Variants in ATF7IP2 observed in about 807,000 individuals in gnomAD.
The protein encoded by ATF7IP2 is activating transcription factor 7 interacting protein 2, also known as activating transcription factor 7-interacting protein 2.
Under a neutral mutation model 64.2 loss-of-function variants are expected in ATF7IP2, and 42 were observed. The observed-to-expected ratio is 0.65, with a 90% confidence interval of 0.51 to 0.85. The LOEUF (loss-of-function observed/expected upper bound fraction) is 0.85. ATF7IP2 is among the 40% of genes least tolerant of loss of function. The pLI is 0.00. For missense variants in ATF7IP2, 933 were observed against 784.2 expected, an observed-to-expected ratio of 1.19 and a Z score of -2.27; for synonymous variants, 308 against 272.8, an observed-to-expected ratio of 1.13 and a Z score of -1.27.
Position 10,433,508 on chromosome 16 carries a change from CT to C in ATF7IP2, c.836-13del, listed in dbSNP as rs756635952. 1 of 1,602,204 alleles carries C rather than the reference CT, an allele frequency of 6.2e-7. No homozygotes were observed. Among genetic ancestry groups the C allele is most frequent in the East Asian group, 2.2e-5 (1 of 44,746 alleles). ...TCTTTAAAATATCTTTCTTTCTAAT[CT>C]TTTGATCTCCTCAAGGCCATTATCA... On this transcript the variant is annotated splice_polypyrimidine_tract_variant and intron_variant, in intron 5 of 13. Coordinates refer to ENST00000562102, the MANE Select transcript of ATF7IP2 (RefSeq NM_001393719.1).
At chr16:10,419,938 T>A (rs1195863233) in intron 3 of ATF7IP2, among the ~76,000 whole-genome samples, 1 of 152,264 alleles carries the variant, frequency 6.6e-6, no homozygotes, top group Non-Finnish European at 1.5e-5. Context: ...GCTGTTCAGC[T>A]GCTGATAGCA....
intron 9 of ATF7IP2, among the ~76,000 whole-genome samples, chr16:10,470,930 G>A (rs2049778195): frequency 6.6e-6 from 1 of 151,648 alleles, no homozygotes; most frequent in Admixed American, 6.6e-5. Context: ...GGGAAAGAAA[G>A]TTAGAAGACT....
intron 9 of ATF7IP2, among the ~76,000 whole-genome samples, chr16:10,464,149 T>C (rs1283479019): frequency 1.3e-5 from 2 of 152,224 alleles, no homozygotes; most frequent in African/African-American, 2.4e-5. Flanking sequence ...CAAATAGATA[T>C]TTAGATATTT....
At chr16:10,474,711 A>G (rs1426129729) in intron 12 of ATF7IP2, among the ~76,000 whole-genome samples, 1 of 152,234 alleles carries the variant, frequency 6.6e-6, no homozygotes, top group African/African-American at 2.4e-5. Flanking sequence ...GATAAACACA[A>G]AAGAATTCAT....
intron 3 of ATF7IP2, among the ~76,000 whole-genome samples, chr16:10,425,415 A>G (rs2141854403): frequency 6.6e-6 from 1 of 151,912 alleles, no homozygotes; most frequent in East Asian, 1.9e-4. Context: ...TGTGAAGCAG[A>G]TTCAGATCTT....
At chr16:10,434,646 A>G (rs904456393) in intron 6 of ATF7IP2, among the ~76,000 whole-genome samples, 9 of 152,196 alleles carry the variant, frequency 5.9e-5, no homozygotes, top group Admixed American at 3.9e-4. Flanking sequence ...GACAGTAAAA[A>G]ATATGTAAGT....
At chr16:10,458,439 TA>T (rs113349465) in intron 9 of ATF7IP2, among the ~76,000 whole-genome samples, 369 of 152,326 alleles carry the variant, frequency 2.4e-3, no homozygotes, top group African/African-American at 8.5e-3. Context: ...TAGAAAAATA[TA>T]TCCAATTTAG....
rs561862113 is a variant in ATF7IP2, at chr16:10,441,917, A to T, written c.1194+1455A>T. On this transcript the variant is annotated intron_variant, in intron 8 of 13. Coordinates refer to ENST00000562102, the MANE Select transcript of ATF7IP2 (RefSeq NM_001393719.1). ...GACAAAAGATTTCTCAACAAGGCAA[A>T]TTTACTTCTGCAGAAAGGTGCTGCC... Among the ~76,000 whole-genome samples, 6 of 152,324 alleles carry T rather than the reference A, an allele frequency of 3.9e-5. No homozygotes were observed. The East Asian group carries it at 1.2e-3, about 29-fold the overall frequency.
In ATF7IP2 at chr16:10,454,979, A is replaced by T. The variant is rs111332840; in HGVS notation, c.1195-2393A>T. ...AGTTAAACTTATTTTATAGTCCAGC[A>T]TATTATTTTACTTGACGAATGTTCC... On this transcript the variant is annotated intron_variant, in intron 8 of 13. Transcript: ENST00000562102. 2.0e-3 allele frequency among the ~76,000 whole-genome samples: 312 copies of T among 152,282 alleles called. 2 individuals carry two copies. Among genetic ancestry groups the T allele is most frequent in the African/African-American group, 7.1e-3 (295 of 41,550 alleles).
At chr16:10,403,404 A>C (rs2047573420) in intron 1 of ATF7IP2, among the ~76,000 whole-genome samples, 1 of 152,204 alleles carries the variant, frequency 6.6e-6, no homozygotes, top group South Asian at 2.1e-4. Flanking sequence ...AGGAAATAAT[A>C]GAGTTTTCAC....
intron 1 of ATF7IP2, among the ~76,000 whole-genome samples, chr16:10,390,344 A>T (rs532428158): frequency 4.2e-4 from 64 of 152,364 alleles, no homozygotes; most frequent in African/African-American, 1.5e-3. Context: ...CATGCTTGTG[A>T]ATAATCTACA....
At chr16:10,457,913 T>C (rs1362983254) in intron 9 of ATF7IP2, among the ~76,000 whole-genome samples, 2 of 152,214 alleles carry the variant, frequency 1.3e-5, no homozygotes, top group Non-Finnish European at 2.9e-5. Flanking sequence ...GGCTTCACCA[T>C]GTTGCCCAGG....
intron 9 of ATF7IP2, among the ~76,000 whole-genome samples, chr16:10,465,295 T>A (rs1456258502): frequency 6.6e-6 from 1 of 152,204 alleles, no homozygotes; most frequent in Non-Finnish European, 1.5e-5. Flanking sequence ...TGCTCTTACC[T>A]ACTACATAAT....
intron 7 of ATF7IP2, among the ~76,000 whole-genome samples, chr16:10,439,330 A>C (rs990521944): frequency 6.6e-6 from 1 of 151,234 alleles, no homozygotes; most frequent in Non-Finnish European, 1.5e-5. Context: ...CAGGGTTCAC[A>C]CCATTCACCT....
chr16:10,438,672 C>T (rs902670340), intron 7 of ATF7IP2, among the ~76,000 whole-genome samples: 13 of 152,152 alleles, frequency 8.5e-5, no homozygotes, highest in African/African-American at 3.1e-4. Context: ...ATATCATAGG[C>T]AATGTAATTT....
chr16:10,402,219 C>G (rs1366359995), intron 1 of ATF7IP2, among the ~76,000 whole-genome samples: 2 of 152,066 alleles, frequency 1.3e-5, no homozygotes, highest in Non-Finnish European at 2.9e-5. Flanking sequence ...ACGTTGAATG[C>G]CATAAACTTC....
At chr16:10,416,512 G>T (rs902268258) in intron 2 of ATF7IP2, among the ~76,000 whole-genome samples, 1 of 152,130 alleles carries the variant, frequency 6.6e-6, no homozygotes, top group Non-Finnish European at 1.5e-5. Context: ...GTTAGAATGG[G>T]CCAGGCACAG....
intron 6 of ATF7IP2, among the ~76,000 whole-genome samples, chr16:10,435,628 A>T (rs2048395818): frequency 6.6e-6 from 1 of 152,226 alleles, no homozygotes; most frequent in Non-Finnish European, 1.5e-5. Context: ...TTAGTCAAAA[A>T]TGATCAAATT....
intron 8 of ATF7IP2, among the ~76,000 whole-genome samples, chr16:10,443,468 C>T (rs1280394902): frequency 6.6e-6 from 1 of 152,174 alleles, no homozygotes; most frequent in East Asian, 1.9e-4. Flanking sequence ...AAGCGGACAA[C>T]CTGGGCCTCT....
Sources: gnomAD v4.1 joint callset for allele counts (sites outside exome capture counted in the v4.1 genomes callset) on GRCh38, gnomAD v4.1.1 for gene constraint, MANE v1.5 for transcripts, NCBI Gene and HGNC (gene_info 2026-07-23, HGNC 2026-07-21) for gene names.